Variants in ANO3 observed in about 807,000 individuals in gnomAD.
ANO3 encodes the protein anoctamin 3.
In ANO3, 99 loss-of-function variants were observed where a neutral mutation model predicts 144.8. That is an observed-to-expected ratio of 0.68 (90% confidence interval 0.58 to 0.81). The LOEUF (loss-of-function observed/expected upper bound fraction) is 0.81, where lower values mean the gene tolerates loss of function less well. Among genes scored for constraint, ANO3 ranks in the 30% least tolerant of loss-of-function variants. The pLI is 0.00. For missense variants in ANO3, 905 were observed against 1,202.2 expected, an observed-to-expected ratio of 0.75 and a Z score of 3.66; for synonymous variants, 414 against 392.6, an observed-to-expected ratio of 1.05 and a Z score of -0.64.
At chr11:26,521,810 T>A (rs114050487) in intron 6 of ANO3, among the ~76,000 whole-genome samples, 268 of 152,308 alleles carry the variant, frequency 1.8e-3, no homozygotes, top group African/African-American at 6.0e-3. Flanking sequence ...AGTACCCAGA[T>A]AGGGCCAACC....
Position 26,227,637 on chromosome 11 carries a change from C to T in ANO3, c.154+38307C>T, listed in dbSNP as rs548684126. 8.5e-4 allele frequency among the ~76,000 whole-genome samples: 130 copies of T among 152,244 alleles called. 1 individual carries two copies. Among genetic ancestry groups the T allele is most frequent in the African/African-American group, 2.9e-3 (121 of 41,560 alleles). ...TCAACTTTCATTTATTCATTCTGAA[C>T]TACATAATCGAGAGTGACAGAATTT... On this transcript the variant is annotated intron_variant, in intron 1 of 27. Transcript: ENST00000672621.
At chr11:26,575,775 G>A (rs1221677257) in intron 14 of ANO3, among the ~76,000 whole-genome samples, 3 of 152,048 alleles carry the variant, frequency 2.0e-5, no homozygotes, top group Non-Finnish European at 4.4e-5. Context: ...CTATGTGATG[G>A]CTAATAGTAC....
chr11:26,589,557 C>G (rs1851385476), intron 14 of ANO3, among the ~76,000 whole-genome samples: 1 of 151,986 alleles, frequency 6.6e-6, no homozygotes, highest in East Asian at 1.9e-4. Context: ...TTTCATTACC[C>G]CAGAAGAAAG....
intron 17 of ANO3, among the ~76,000 whole-genome samples, chr11:26,615,414 A>ATATATATATATATATATATTTTTT (rs1352935016): frequency 7.7e-6 from 1 of 130,700 alleles, no homozygotes; most frequent in African/African-American, 3.0e-5. Context: ...ATATATATAT[A>ATATATATATATATATATATTTTTT]TTTTTTTTTT....
intron 23 of ANO3, among the ~76,000 whole-genome samples, chr11:26,643,697 G>A (rs1177037068): frequency 6.7e-6 from 1 of 149,658 alleles, no homozygotes; most frequent in African/African-American, 2.5e-5. Context: ...AGAGGTTGCA[G>A]CCTGGGCAAC....
At chr11:26,468,629 G>A (rs1412180903) in intron 4 of ANO3, among the ~76,000 whole-genome samples, 2 of 151,924 alleles carry the variant, frequency 1.3e-5, no homozygotes, top group Non-Finnish European at 2.9e-5. Flanking sequence ...CTTTTATGTG[G>A]ATGTCAGGAA....
chr11:26,244,132 GAAAAGA>G (rs201198997), intron 1 of ANO3, among the ~76,000 whole-genome samples: 33,377 of 138,652 alleles, frequency 0.24, 4,267 homozygotes, highest in South Asian at 0.3. Context: ...AAAAAAAAAA[GAAAAGA>G]AAAAGAAAAA....
At chr11:26,487,534 G>T (rs574528565) in intron 4 of ANO3, among the ~76,000 whole-genome samples, 28 of 152,276 alleles carry the variant, frequency 1.8e-4, no homozygotes, top group Admixed American at 1.0e-3. Context: ...TGGGTAATAG[G>T]TGGAGGTCAG....
intron 1 of ANO3, among the ~76,000 whole-genome samples, chr11:26,340,297 C>T (rs1183658478): frequency 1.3e-5 from 2 of 152,202 alleles, no homozygotes; most frequent in East Asian, 1.9e-4. Flanking sequence ...CACTAACTAA[C>T]AGCAATTTGG....
intron 5 of ANO3, 86 bp downstream of exon 5, chr11:26,508,348 C>T (rs982687678): frequency 1.6e-6 from 2 of 1,217,244 alleles, no homozygotes; most frequent in Non-Finnish European, 2.2e-6. Flanking sequence ...AAATATGTAT[C>T]ACATGACTTT....
At chr11:26,393,208 A>G (rs1856925674) in intron 1 of ANO3, among the ~76,000 whole-genome samples, 1 of 152,030 alleles carries the variant, frequency 6.6e-6, no homozygotes, top group African/African-American at 2.4e-5. Context: ...GCCACATTTT[A>G]TGCCTTTGTG....
At chr11:26,225,747 T>C (rs972200555) in intron 1 of ANO3, among the ~76,000 whole-genome samples, 11 of 152,190 alleles carry the variant, frequency 7.2e-5, no homozygotes, top group African/African-American at 2.7e-4. Context: ...GGCTTCTTTT[T>C]GGCCTAGTAC....
At chr11:26,438,062 G>A (rs1264875682) in intron 1 of ANO3, among the ~76,000 whole-genome samples, 1 of 152,118 alleles carries the variant, frequency 6.6e-6, no homozygotes, top group Non-Finnish European at 1.5e-5. Context: ...ACTGGAAAGT[G>A]AGTAGTACAT....
chr11:26,376,125 T>C (rs7110540), intron 1 of ANO3, among the ~76,000 whole-genome samples: 40,597 of 152,016 alleles, frequency 0.27, 6,092 homozygotes, highest in African/African-American at 0.41. Context: ...ATCTTGAATG[T>C]CAAAGAGCAT....
intron 4 of ANO3, among the ~76,000 whole-genome samples, chr11:26,463,640 A>C (rs539800390): frequency 5.9e-5 from 9 of 152,014 alleles, no homozygotes; most frequent in Non-Finnish European, 1.3e-4. Flanking sequence ...TGCATAGCAA[A>C]AGATTGAGAA....
At chr11:26,547,867 C>G in intron 12 of ANO3, among the ~76,000 whole-genome samples, 1 of 151,830 alleles carries the variant, frequency 6.6e-6, no homozygotes, top group East Asian at 1.9e-4. Context: ...ATTTGTTAGT[C>G]TAGAATGCCC....
At chr11:26,193,333 G>T (rs34859438) in intron 1 of ANO3, among the ~76,000 whole-genome samples, 1 of 151,572 alleles carries the variant, frequency 6.6e-6, no homozygotes, top group Admixed American at 6.6e-5. Flanking sequence ...CTAGAGACTG[G>T]GTTTCTCTGT....
chr11:26,266,222 C>A (rs1368887438), intron 1 of ANO3, among the ~76,000 whole-genome samples: 1 of 152,034 alleles, frequency 6.6e-6, no homozygotes, highest in Admixed American at 6.6e-5. Context: ...ACACAGCATT[C>A]AGTTTCTCAG....
rs555663479 is a variant in ANO3, at chr11:26,599,374, C to T, written c.1672-176C>T. ...TCATACTAAAACAACAAATTTTGTC[C>T]TATTTGTTTTGACTAGAATATAACT... is the stretch of plus-strand genomic sequence containing the variant. On this transcript the variant is annotated intron_variant, in intron 16 of 26. Transcript: ENST00000256737. Among the ~76,000 whole-genome samples, 3 of 152,228 alleles carry T rather than the reference C, an allele frequency of 2.0e-5. No individual in the cohort carries two copies. In the East Asian group the frequency reaches 5.8e-4, roughly 29 times the overall value.
Sources: allele counts gnomAD v4.1 joint callset (sites outside exome capture counted in the v4.1 genomes callset), GRCh38; gene constraint gnomAD v4.1.1; transcripts MANE v1.5; gene names NCBI Gene and HGNC (gene_info 2026-07-23, HGNC 2026-07-21).